PPA2: variants seen among roughly 807,000 people sequenced by gnomAD.
PPA2 encodes the protein inorganic pyrophosphatase 2, mitochondrial.
PPA2 carries 48 observed loss-of-function variants against 49.5 expected under a neutral mutation model. The observed-to-expected ratio is 0.97, with a 90% CI of 0.77 to 1.23. The LOEUF is 1.23. PPA2 is among the 50% of genes most tolerant of loss of function. The probability of loss-of-function intolerance (pLI) is 0.00; values close to 1 mark genes in which losing one functional copy is unlikely to be tolerated. For synonymous variants in PPA2, 131 were observed against 139.9 expected (o/e 0.94, Z 0.45); for missense variants, 429 against 410.1 (o/e 1.05, Z -0.40).
intron 2 of PPA2, among the ~76,000 whole-genome samples, chr4:105,455,316 G>C (rs1048687239): frequency 2.6e-5 from 4 of 152,126 alleles, no homozygotes; most frequent in African/African-American, 9.7e-5. Context: ...ATATACACAC[G>C]CACTTTCACA....
chr4:105,397,608 G>A (rs1445878322), intron 8 of PPA2, among the ~76,000 whole-genome samples: 1 of 152,180 alleles, frequency 6.6e-6, no homozygotes, highest in East Asian at 1.9e-4. Flanking sequence ...TTGATCCGCA[G>A]TGTTGGAAGT....
intron 10 of PPA2, among the ~76,000 whole-genome samples, chr4:105,375,507 A>G (rs1226730443): frequency 6.6e-6 from 1 of 152,154 alleles, no homozygotes; most frequent in African/African-American, 2.4e-5. Flanking sequence ...TTACATCCTA[A>G]GATCAGTTCT....
intron 1 of PPA2, among the ~76,000 whole-genome samples, chr4:105,457,376 C>T (rs1373698991): frequency 6.6e-6 from 1 of 152,134 alleles, no homozygotes; most frequent in Non-Finnish European, 1.5e-5. Flanking sequence ...AAATACAATG[C>T]ACTTTTACTG....
At chr4:105,459,899 G>A (rs1180308787) in intron 1 of PPA2, among the ~76,000 whole-genome samples, 2 of 152,176 alleles carry the variant, frequency 1.3e-5, no homozygotes, top group Admixed American at 1.3e-4. Flanking sequence ...AGGGGCTGAT[G>A]GTAAGAGAGT....
At chr4:105,415,566 C>G (rs1360290459) in intron 7 of PPA2, among the ~76,000 whole-genome samples, 5 of 152,188 alleles carry the variant, frequency 3.3e-5, no homozygotes, top group Non-Finnish European at 7.4e-5. Flanking sequence ...GCTTCTCAGG[C>G]CCCCGAGAGT....
chr4:105,395,948 T>G (rs1359600521), intron 9 of PPA2, among the ~76,000 whole-genome samples: 9 of 152,186 alleles, frequency 5.9e-5, no homozygotes, highest in Non-Finnish European at 1.3e-4. Flanking sequence ...GTTATTAGAT[T>G]TTAAAGAAAC....
At chr4:105,408,670 A>G (rs1023993808) in intron 7 of PPA2, among the ~76,000 whole-genome samples, 4 of 152,218 alleles carry the variant, frequency 2.6e-5, no homozygotes, top group Admixed American at 6.5e-5. Context: ...TATATGACTA[A>G]AACACAACTG....
chr4:105,460,140 A>T (rs1723025036), intron 1 of PPA2, among the ~76,000 whole-genome samples: 1 of 152,254 alleles, frequency 6.6e-6, no homozygotes, highest in Middle Eastern at 3.2e-3. Context: ...CTGCAGATTC[A>T]AACAATCGCA....
At chr4:105,449,995 T>C (rs1203730899) in intron 3 of PPA2, among the ~76,000 whole-genome samples, 1 of 152,134 alleles carries the variant, frequency 6.6e-6, no homozygotes, top group African/African-American at 2.4e-5. Context: ...CTTGCATATC[T>C]GGTGAGTTCA....
At chr4:105,436,017 A>G (rs1304279872) in intron 6 of PPA2, among the ~76,000 whole-genome samples, 1 of 152,094 alleles carries the variant, frequency 6.6e-6, no homozygotes, top group East Asian at 1.9e-4. Context: ...AAGTCAAATG[A>G]TCTCTGTTCA....
intron 7 of PPA2, among the ~76,000 whole-genome samples, chr4:105,403,884 T>C (rs1287672254): frequency 1.3e-5 from 2 of 151,910 alleles, no homozygotes; most frequent in Non-Finnish European, 1.5e-5. Context: ...TAAAATCTAA[T>C]TGGAAAATTC....
intron 10 of PPA2, among the ~76,000 whole-genome samples, chr4:105,382,552 C>A (rs373783354): frequency 6.6e-6 from 1 of 152,164 alleles, no homozygotes; most frequent in African/African-American, 2.4e-5. Context: ...CACACACAAA[C>A]ACACATTCTT....
chr4:105,433,207 G>T (rs1002729353), intron 6 of PPA2, among the ~76,000 whole-genome samples: 1 of 151,956 alleles, frequency 6.6e-6, no homozygotes, highest in African/African-American at 2.4e-5. Context: ...CAAAGACAAG[G>T]AATCAGATTT....
chr4:105,391,427 G>T (rs1033820180), intron 9 of PPA2, among the ~76,000 whole-genome samples: 2 of 146,538 alleles, frequency 1.4e-5, no homozygotes, highest in African/African-American at 5.0e-5. Context: ...AAGACCTAAA[G>T]AATTTAGATG....
intron 4 of PPA2, 44 bp from the exon 5 acceptor site, chr4:105,446,546 T>C (rs752658669): frequency 1.9e-6 from 3 of 1,565,016 alleles, no homozygotes. Context: ...GGATAAGAAA[T>C]AATTAATTCT....
intron 9 of PPA2, among the ~76,000 whole-genome samples, chr4:105,392,670 T>A (rs2636702): frequency 6.7e-6 from 1 of 149,462 alleles, no homozygotes. Context: ...GAGACTCTGT[T>A]TCAAAAAAAA....
intron 9 of PPA2, among the ~76,000 whole-genome samples, chr4:105,393,387 G>A (rs1397627458): frequency 6.6e-6 from 1 of 151,500 alleles, no homozygotes; most frequent in African/African-American, 2.4e-5. Context: ...GGGAGGCTGA[G>A]GTGGGAGAAT....
At chr4:105,408,369 G>C (rs538806571) in intron 7 of PPA2, among the ~76,000 whole-genome samples, 9 of 152,184 alleles carry the variant, frequency 5.9e-5, no homozygotes, top group Non-Finnish European at 1.0e-4. Flanking sequence ...AGAGAATCTG[G>C]ATTTTTCTGT....
At chr4:105,393,921 A>G (rs1254519525) in intron 9 of PPA2, among the ~76,000 whole-genome samples, 1 of 152,220 alleles carries the variant, frequency 6.6e-6, no homozygotes, top group African/African-American at 2.4e-5. Context: ...AAAATGGATT[A>G]AAATGAGTTA....
Sources: allele counts gnomAD v4.1 joint callset (sites outside exome capture counted in the v4.1 genomes callset), GRCh38; gene constraint gnomAD v4.1.1; transcripts MANE v1.5; gene names NCBI Gene and HGNC (gene_info 2026-07-23, HGNC 2026-07-21).